The following RGPD4 variants were observed in gnomAD, a reference collection of about 807,000 sequenced individuals.
The protein encoded by RGPD4 is RANBP2 like and GRIP domain containing 4.
In RGPD4, 84 loss-of-function variants were observed where a neutral mutation model predicts 141.1. The ratio of observed to expected loss-of-function variants is 0.60; its 90% CI spans 0.50 to 0.71. The LOEUF (loss-of-function observed/expected upper bound fraction) is 0.71. Among genes scored for constraint, RGPD4 ranks in the 30% least tolerant of loss-of-function variants. The pLI is 0.00. For synonymous variants in RGPD4, 298 were observed against 566.8 expected, an observed-to-expected ratio of 0.53 and a Z score of 6.74; for missense variants, 918 against 1,622.4, an observed-to-expected ratio of 0.57 and a Z score of 7.46.
chr2:107,867,297 G>A (rs1418660341), intron 18 of RGPD4, among the ~76,000 whole-genome samples: 1 of 152,016 alleles, frequency 6.6e-6, no homozygotes, highest in Non-Finnish European at 1.5e-5. Context: ...TTTAGCCCAG[G>A]AAAGATTTAG....
At position 107,827,388 on chromosome 2, in the gene RGPD4, G is replaced by C. The variant is rs555469671; in HGVS notation, c.72+303G>C. 3.9e-4 allele frequency among the ~76,000 whole-genome samples: 32 copies of C among 81,794 alleles called. 2 individuals carry two copies. The highest frequency in any genetic ancestry group is 1.5e-3 in the African/African-American group (27 of 17,928). The allele number at this position is 81,794 out of a possible 152,430, so 53.7% of individuals were successfully genotyped here. On this transcript the variant is annotated intron_variant, in intron 1 of 22. Transcript: ENST00000408999. ...CTCCCGACGGGCGCTGCTCCCTGGC[G>C]CGCTCTGTTGAGGCGGCGGCCTCGA... is the stretch of plus-strand genomic sequence containing the variant.
At chr2:107,852,961 C>CT (rs200350895) in intron 7 of RGPD4, among the ~76,000 whole-genome samples, 2,321 of 149,518 alleles carry the variant, frequency 0.016, 56 homozygotes, top group African/African-American at 0.054. Context: ...CTTGCTTTTA[C>CT]TTTTTTTTTT....
At chr2:107,854,690 T>C (rs1269692378) in intron 8 of RGPD4, 47 bp downstream of exon 8, 78 of 1,554,002 alleles carry the variant, frequency 5.0e-5, no homozygotes, top group Admixed American at 2.2e-4. Context: ...AAAAGGAATT[T>C]CTGTTAAGGC....
intron 4 of RGPD4, among the ~76,000 whole-genome samples, chr2:107,840,511 C>T (rs1573472280): frequency 6.7e-6 from 1 of 148,300 alleles, no homozygotes; most frequent in East Asian, 2.0e-4. Flanking sequence ...CGGGGTTTCA[C>T]CATGTTGGCC....
chr2:107,881,457 G>T (rs1365707151), intron 21 of RGPD4, among the ~76,000 whole-genome samples: 1 of 151,768 alleles, frequency 6.6e-6, no homozygotes, highest in Non-Finnish European at 1.5e-5. Flanking sequence ...AGCTGAGACT[G>T]CAGGCACGCA....
chr2:107,872,825 C>T lies in RGPD4; in HGVS notation c.4821C>T (p.Asn1607=), dbSNP rs779677153. The T allele has an allele frequency of 6.8e-6, 11 of 1,607,924 alleles. No individual in the cohort carries two copies. In the Admixed American group the frequency reaches 1.0e-4, roughly 15 times the overall value. ...VEPKKCELSK[N]SDIEQSSDSK... ...CTAAAAAATGTGAACTGTCAAAGAA[C>T]TCTGATATCGAACAGTCTTCAGATA... Residue 1607 remains asparagine (N), a synonymous_variant, in exon 20 of 23, where the codon AAC becomes AAT. Coordinates refer to ENST00000408999, the MANE Select transcript of RGPD4 (RefSeq NM_182588.3).
rs775309070 is a variant in RGPD4 at position 107,890,722 on chromosome 2, T to C, written c.5268T>C (p.Gly1756=). Residue 1756 remains glycine (G), a splice_region_variant and synonymous_variant, in exon 23 of 23, where the codon GGT becomes GGC. Coordinates refer to ENST00000408999, the MANE Select transcript of RGPD4 (RefSeq NM_182588.3). Reference sequence around the variant, plus strand: ...TTTTTTTTGTTTTACTTTCCAAAGGTGAGGAATAAAATGCTTCCCGTTCTT... The same window carrying C: ...TTTTTTTTGTTTTACTTTCCAAAGGCGAGGAATAAAATGCTTCCCGTTCTT... ...EKGKLAAVAQ[G]EE The C allele has an allele frequency of 3.7e-6, 6 of 1,600,076 alleles. No individual in the cohort carries two copies. Among genetic ancestry groups the C allele is most frequent in the East Asian group, 2.2e-5 (1 of 44,704 alleles).
intron 20 of RGPD4, among the ~76,000 whole-genome samples, chr2:107,874,170 G>A (rs1683023142): frequency 6.6e-6 from 1 of 151,282 alleles, no homozygotes; most frequent in Non-Finnish European, 1.5e-5. Context: ...TTTATGTTTA[G>A]CCACTAACGT....
intron 12 of RGPD4, 83 bp from the exon 13 acceptor site, chr2:107,860,683 C>T: frequency 2.9e-6 from 4 of 1,359,128 alleles, no homozygotes; most frequent in Non-Finnish European, 4.1e-6. Context: ...GAAATTTTAG[C>T]CAGTTCTTAC....
intron 18 of RGPD4, among the ~76,000 whole-genome samples, chr2:107,868,236 G>A (rs2104482557): frequency 1.2e-5 from 1 of 85,686 alleles, no homozygotes; most frequent in East Asian, 3.2e-4. Flanking sequence ...CTTTATTTAT[G>A]TTGTTTCTGG....
At chr2:107,840,356 A>C (rs1201548860) in intron 4 of RGPD4, among the ~76,000 whole-genome samples, 2 of 152,300 alleles carry the variant, frequency 1.3e-5, no homozygotes, top group African/African-American at 4.8e-5. Context: ...TCTGTTGCCC[A>C]GGTTGGAGTT....
intron 22 of RGPD4, among the ~76,000 whole-genome samples, chr2:107,889,667 G>T (rs879542367): frequency 0.038 from 5,681 of 149,500 alleles, no homozygotes; most frequent in Middle Eastern, 0.075. Flanking sequence ...CCAGGCCTTG[G>T]TCGGTGGTGG....
intron 9 of RGPD4, among the ~76,000 whole-genome samples, chr2:107,857,206 C>T (rs1358985683): frequency 1.3e-4 from 19 of 150,748 alleles, no homozygotes; most frequent in African/African-American, 3.5e-4. Flanking sequence ...GGTGCGATCT[C>T]GGCTCACTGT....
At chr2:107,845,839 C>T (rs1681912622) in intron 6 of RGPD4, among the ~76,000 whole-genome samples, 2 of 152,032 alleles carry the variant, frequency 1.3e-5, no homozygotes, top group South Asian at 4.2e-4. Context: ...GTTGGGATTA[C>T]AGGCGTGAGC....
chr2:107,828,825 CCGGCCCGGCGGCGGCCTCGA>C (rs1681347410), intron 1 of RGPD4, among the ~76,000 whole-genome samples: 3 of 17,130 alleles, frequency 1.8e-4, no homozygotes, highest in African/African-American at 1.1e-3. Context: ...CGGCCTCGAC[CCGGCCCGGCGGCGGCCTCGA>C]TGGCTCAGGC....
At chr2:107,854,329 G>C (rs1464805420) in intron 7 of RGPD4, among the ~76,000 whole-genome samples, 2 of 151,806 alleles carry the variant, frequency 1.3e-5, no homozygotes, top group Non-Finnish European at 2.9e-5. Flanking sequence ...CTCCCAGACA[G>C]AGTGTTGGGA....
intron 1 of RGPD4, among the ~76,000 whole-genome samples, chr2:107,833,797 G>A (rs1681576795): frequency 6.6e-6 from 1 of 152,142 alleles, no homozygotes; most frequent in Admixed American, 6.5e-5. Flanking sequence ...CCAGCATTTT[G>A]GGAGGTGGAG....
chr2:107,888,412 T>C (rs1675566713), intron 22 of RGPD4, among the ~76,000 whole-genome samples: 1 of 151,646 alleles, frequency 6.6e-6, no homozygotes, highest in Admixed American at 6.6e-5. Flanking sequence ...AGTCATCTGG[T>C]TCTCTTTATT....
chr2:107,845,146 T>A (rs1244205323), intron 6 of RGPD4, among the ~76,000 whole-genome samples: 1 of 141,070 alleles, frequency 7.1e-6, no homozygotes, highest in Non-Finnish European at 1.5e-5. Context: ...GTTCAAGTGA[T>A]TCTCTTGTCT....
Sources: gnomAD v4.1 joint callset for allele counts (sites outside exome capture counted in the v4.1 genomes callset) on GRCh38, gnomAD v4.1.1 for gene constraint, MANE v1.5 for transcripts, NCBI Gene and HGNC (gene_info 2026-07-23, HGNC 2026-07-21) for gene names.